The following SFXN3 variants were observed in gnomAD, a reference collection of about 807,000 sequenced individuals.
SFXN3 encodes the protein sideroflexin 3, also known as sideroflexin-3.
Under a neutral mutation model 40.4 loss-of-function variants are expected in SFXN3, and 31 were observed. The observed-to-expected ratio is 0.77, with a 90% CI of 0.58 to 1.04. The LOEUF (loss-of-function observed/expected upper bound fraction) is 1.04, where lower values mean the gene tolerates loss of function less well. Ranked by LOEUF, SFXN3 falls within the 50% of genes least tolerant of loss-of-function variation. The pLI is 0.00. For missense variants in SFXN3, 366 were observed against 408.2 expected (o/e 0.90, Z 0.89); for synonymous variants, 157 against 160.0 (o/e 0.98, Z 0.14).
Position 101,039,827 on chromosome 10 carries a change from T to C in SFXN3, c.*242T>C. 3 of 558,498 alleles carry C rather than the reference T, an allele frequency of 5.4e-6. No individual in the cohort carries two copies. The allele number at this position is 558,498 out of a possible 1,614,324, so 34.6% of individuals were successfully genotyped here. ...GTGCTTGAGTGTCCATGCATATACA[T>C]ACATGATACACATGTGTATGTGTAC... On this transcript the variant is annotated 3_prime_UTR_variant, in exon 12 of 12. Coordinates refer to ENST00000393459, the Ensembl canonical transcript of SFXN3. The surrounding 1 kb of genome is among the most constrained non-coding windows in gnomAD (Gnocchi z 4.6).
At position 101,036,714 on chromosome 10, in the gene SFXN3, C is replaced by T. The variant is rs1368144466; in HGVS notation, c.508-9C>T. The T allele has an allele frequency of 1.2e-6, 2 of 1,606,434 alleles. No individual in the cohort carries two copies. Among genetic ancestry groups the T allele is most frequent in the Non-Finnish European group, 1.7e-6 (2 of 1,174,186 alleles). On this transcript the variant is annotated splice_polypyrimidine_tract_variant and intron_variant, in intron 6 of 11. Transcript: ENST00000393459. The surrounding 1 kb of genome is among the most constrained non-coding windows in gnomAD (Gnocchi z 4.2). Reference sequence around the variant, plus strand: ...CTTAGGGCCACTGAACAACACCCTTCCTCCCCAGCACCTGCCCCCCTTGGT... The same window carrying T: ...CTTAGGGCCACTGAACAACACCCTTTCTCCCCAGCACCTGCCCCCCTTGGT...
chr10:101,038,562 G>C (rs746030616), intron 9 of SFXN3, 81 bp from the exon 10 acceptor site: 26 of 1,612,284 alleles, frequency 1.6e-5, no homozygotes, highest in Non-Finnish European at 2.0e-5. Context: ...AGGCTGATGG[G>C]ATAGAGCTAT....
At position 101,035,480 on chromosome 10, in the gene SFXN3, C is replaced by A; in HGVS notation, c.162-17C>A. ...GCCCCCTGGCATAGCCTGTCTGCTCCTTGCCAACTTCTGCAGGGCCGGCGT... is the reference window on the plus strand; with the variant it reads ...GCCCCCTGGCATAGCCTGTCTGCTCATTGCCAACTTCTGCAGGGCCGGCGT... On this transcript the variant is annotated splice_polypyrimidine_tract_variant and intron_variant, in intron 3 of 11. Coordinates refer to ENST00000393459, the Ensembl canonical transcript of SFXN3. 3 of 1,589,930 alleles carry A rather than the reference C, an allele frequency of 1.9e-6. No individual in the cohort carries two copies. The highest frequency in any genetic ancestry group is 2.6e-6 in the Non-Finnish European group (3 of 1,167,630).
chr10:101,038,834 G>C, intron 10 of SFXN3, 142 bp downstream of exon 10: 2 of 1,338,268 alleles, frequency 1.5e-6, no homozygotes, highest in Non-Finnish European at 2.1e-6. Context: ...CAACTATAGG[G>C]TCTACTTTGT....
At chr10:101,035,948 C>T in intron 4 of SFXN3, 55 bp from the exon 5 acceptor site, 1 of 1,501,724 alleles carries the variant, frequency 6.7e-7, no homozygotes, top group Non-Finnish European at 9.3e-7. Flanking sequence ...TTACAGGGGT[C>T]TAAAGATGAG....
rs1938782998 is a variant in SFXN3 at position 101,039,283 on chromosome 10, G to A, written c.869+61G>A. On this transcript the variant is annotated intron_variant, in intron 11 of 11. Transcript: ENST00000393459. The surrounding 1 kb of genome is among the most constrained non-coding windows in gnomAD (Gnocchi z 4.6). Reference sequence around the variant, plus strand: ...GATTGGACTCTGCATCTCTGGACCAGCTGACCTAGGGTCTTCCAGGGTGTT... The same window carrying A: ...GATTGGACTCTGCATCTCTGGACCAACTGACCTAGGGTCTTCCAGGGTGTT... 5.4e-6 allele frequency: 8 copies of A among 1,487,228 alleles called. No individual in the cohort carries two copies. Among genetic ancestry groups the A allele is most frequent in the Non-Finnish European group, 7.4e-6 (8 of 1,083,706 alleles). 92.1% of individuals were successfully genotyped at this position (1,487,228 alleles called of 1,614,324 possible).
chr10:101,033,488 GC>G (rs1938427177), intron 2 of SFXN3, among the ~76,000 whole-genome samples: 1 of 152,044 alleles, frequency 6.6e-6, no homozygotes, highest in African/African-American at 2.4e-5. Flanking sequence ...CTGGGACATT[GC>G]CCAGGAAACA....
At chr10:101,033,450 C>T (rs1223219951) in intron 2 of SFXN3, among the ~76,000 whole-genome samples, 1 of 152,152 alleles carries the variant, frequency 6.6e-6, no homozygotes, top group Non-Finnish European at 1.5e-5. Flanking sequence ...TTCCCTTCCC[C>T]CTCCTCCAGT....
In SFXN3 at chr10:101,039,193, C is replaced by G. The variant is rs1938773472; in HGVS notation, c.840C>G (p.Pro280=). Residue 280 remains proline (P), a synonymous_variant, in exon 11 of 12, where the codon CCC becomes CCG. Transcript: ENST00000393459. The surrounding 1 kb of genome is among the most constrained non-coding windows in gnomAD (Gnocchi z 4.6). ...CCCCCAGCCTGGTATTTGCAACCCCCCTGTGCTGTGCCCTATTCCCCCAGA... is the reference window on the plus strand; with the variant it reads ...CCCCCAGCCTGGTATTTGCAACCCCGCTGTGCTGTGCCCTATTCCCCCAGA... 5 of 1,610,748 alleles carry G rather than the reference C, an allele frequency of 3.1e-6. No individual in the cohort carries two copies. The South Asian group carries it at 4.4e-5, about 14-fold the overall frequency.
At chr10:101,032,227 T>TG in intron 1 of SFXN3, 87 bp from the exon 2 acceptor site, 1 of 471,146 alleles carries the variant, frequency 2.1e-6, no homozygotes. Context: ...ATCCCCGAGG[T>TG]GGGATTGGCT....
At chr10:101,032,680 G>C (rs1465527848) in intron 2 of SFXN3, among the ~76,000 whole-genome samples, 198 bp downstream of exon 2, 8 of 152,260 alleles carry the variant, frequency 5.3e-5, no homozygotes, top group African/African-American at 1.9e-4. Context: ...GTCTGCAGAT[G>C]GGCACAGTGT....
In SFXN3 at chr10:101,039,552, C is replaced by A; in HGVS notation, c.933C>A (p.Ser311Arg). 4 of 1,614,104 alleles carry A rather than the reference C, an allele frequency of 2.5e-6. No individual in the cohort carries two copies. The highest frequency in any genetic ancestry group is 3.4e-6 in the Non-Finnish European group (4 of 1,179,982). The change falls in exon 12 of 12, where the codon AGC becomes AGA. Residue 311 changes from serine (S) to arginine (R), a missense_variant. Transcript: ENST00000393459. This position sits in a 1 kb window ranked among gnomAD's most constrained non-coding sequence, Gnocchi z 4.6. ...CTCAGATCCATGAGCAAAACCCCAGCGTTGAAGTGGTCTACTACAACAAGG... is the reference window on the plus strand; with the variant it reads ...CTCAGATCCATGAGCAAAACCCCAGAGTTGAAGTGGTCTACTACAACAAGG...
In SFXN3 at chr10:101,036,946, G is replaced by T; in HGVS notation, c.594-130G>T. 1 of 1,520,880 alleles carries T rather than the reference G, an allele frequency of 6.6e-7. No individual in the cohort carries two copies. Among genetic ancestry groups the T allele is most frequent in the Non-Finnish European group, 8.9e-7 (1 of 1,129,286 alleles). 94.2% of individuals were successfully genotyped at this position (1,520,880 alleles called of 1,614,324 possible). A position where few individuals can be genotyped will look rare whatever the true frequency, so the allele number is the denominator to read the frequency against. On this transcript the variant is annotated intron_variant, in intron 7 of 11. Coordinates refer to ENST00000393459, the Ensembl canonical transcript of SFXN3. This position sits in a 1 kb window ranked among gnomAD's most constrained non-coding sequence, Gnocchi z 4.2. The stretch of plus-strand genomic sequence containing the variant: ...GGGCCCTGGCTCAGTCTGACCCTGG[G>T]ATCCTCAGGTGGGAGAACCAGCCTT...
In SFXN3 at chr10:101,039,348, TG is replaced by T; in HGVS notation, c.869+131del. The T allele has an allele frequency of 8.4e-7, 1 of 1,193,788 alleles. No individual in the cohort carries two copies. Among genetic ancestry groups the T allele is most frequent in the Non-Finnish European group, 1.2e-6 (1 of 811,790 alleles). 73.9% of individuals were successfully genotyped at this position (1,193,788 alleles called of 1,614,324 possible). A position where few individuals can be genotyped will look rare whatever the true frequency, so the allele number is the denominator to read the frequency against. ...GCAGGCACTCCACTGATTCTGGGAGTGGGGGAATGACAGTGAGCCAGTCCTT... is the reference window on the plus strand; with the variant it reads ...GCAGGCACTCCACTGATTCTGGGAGTGGGGAATGACAGTGAGCCAGTCCTT... On this transcript the variant is annotated intron_variant, in intron 11 of 11. Transcript: ENST00000393459. This position sits in a 1 kb window ranked among gnomAD's most constrained non-coding sequence, Gnocchi z 4.6.
intron 3 of SFXN3, 126 bp downstream of exon 3, chr10:101,034,981 C>A: frequency 7.9e-7 from 1 of 1,265,192 alleles, no homozygotes; most frequent in African/African-American, 1.5e-5. Context: ...ACTCTCTAGC[C>A]CCGTCTGTTG....
rs143518698 is a variant in SFXN3 at position 101,039,428 on chromosome 10, C to T, written c.870-61C>T. 3.5e-4 allele frequency: 522 copies of T among 1,501,008 alleles called. 6 individuals are homozygous for T. In the African/African-American group the frequency reaches 6.4e-3, roughly 19 times the overall value. The allele number at this position is 1,501,008 out of a possible 1,614,324, so 93.0% of individuals were successfully genotyped here. On this transcript the variant is annotated intron_variant, in intron 11 of 11. Coordinates refer to ENST00000393459, the Ensembl canonical transcript of SFXN3. This position sits in a 1 kb window ranked among gnomAD's most constrained non-coding sequence, Gnocchi z 4.6. ...CCTGGGAGGAGGTGGGATGGCAATC[C>T]CTGGGCCTGAGTGGGGTTGGATTCA... is the stretch of plus-strand genomic sequence containing the variant.
exon 8 of SFXN3, chr10:101,037,118 G>A: frequency 6.2e-7 from 1 of 1,613,934 alleles, no homozygotes; most frequent in South Asian, 1.1e-5. Context: ...AGGCAGGTCA[G>A]AGGCTTGGCT....
intron 10 of SFXN3, 61 bp downstream of exon 10, chr10:101,038,753 TG>T: frequency 6.2e-7 from 1 of 1,600,870 alleles, no homozygotes; most frequent in Non-Finnish European, 8.5e-7. Context: ...TGGATGTGGG[TG>T]GGTATGGATT....
At chr10:101,032,165 C>A (rs1043224199) in intron 1 of SFXN3, 149 bp from the exon 2 acceptor site, 1 of 352,008 alleles carries the variant, frequency 2.8e-6, no homozygotes, top group Non-Finnish European at 5.1e-6. Context: ...AAGGGAGCAG[C>A]GCCCGCGGCT....
Sources: allele counts gnomAD v4.1 joint callset (sites outside exome capture counted in the v4.1 genomes callset), GRCh38; gene constraint gnomAD v4.1.1; non-coding constraint Gnocchi (gnomAD v3.1); transcripts MANE v1.5; gene names NCBI Gene and HGNC (gene_info 2026-07-23, HGNC 2026-07-21).